The following CYP19A1 variants were observed in gnomAD, a reference collection of about 807,000 sequenced individuals.
The protein encoded by CYP19A1 is cytochrome P450 family 19 subfamily A member 1.
In CYP19A1, 32 loss-of-function variants were observed where a neutral mutation model predicts 44.4. The observed-to-expected ratio is 0.72, with a 90% CI of 0.54 to 0.97. The LOEUF (loss-of-function observed/expected upper bound fraction) is 0.97. Among genes scored for constraint, CYP19A1 ranks in the 50% least tolerant of loss-of-function variants. The pLI is 0.00. For missense variants in CYP19A1, 598 were observed against 637.8 expected, an observed-to-expected ratio of 0.94 and a Z score of 0.67; for synonymous variants, 212 against 215.6, an observed-to-expected ratio of 0.98 and a Z score of 0.14.
chr15:51,281,755 G>A (rs954694981), intron 1 of CYP19A1, among the ~76,000 whole-genome samples: 7 of 152,076 alleles, frequency 4.6e-5, no homozygotes, highest in African/African-American at 1.7e-4. Flanking sequence ...AGTGGGATGT[G>A]GCTAAGGCTC....
chr15:51,324,710 A>G (rs1322774837), intron 1 of CYP19A1, among the ~76,000 whole-genome samples: 2 of 152,280 alleles, frequency 1.3e-5, no homozygotes, highest in Non-Finnish European at 2.9e-5. Context: ...AAAATTGAGA[A>G]AAAGCAATGG....
At chr15:51,219,726 A>G (rs960432317) in intron 5 of CYP19A1, among the ~76,000 whole-genome samples, 1 of 152,238 alleles carries the variant, frequency 6.6e-6, no homozygotes, top group African/African-American at 2.4e-5. Flanking sequence ...TGCCAGCATC[A>G]TAGTCTGCAT....
chr15:51,211,755 T>C, intron 9 of CYP19A1: 1 of 397,048 alleles, frequency 2.5e-6, no homozygotes, highest in Non-Finnish European at 5.0e-6. Context: ...GCCTAAAATT[T>C]GACATAATGA....
At position 51,212,521 on chromosome 15, in the gene CYP19A1, T is replaced by G; in HGVS notation, c.1062A>C (p.Lys354Asn). 6.5e-7 allele frequency: 1 copy of G among 1,539,884 alleles called. No homozygotes were observed. The highest frequency in any genetic ancestry group is 9.0e-7 in the Non-Finnish European group (1 of 1,112,244). ...TCTCATAAATGAAGTTTTCCATCAC[T>G]TTTAATTTTTGTATATCATCAATCT... is the stretch of plus-strand genomic sequence containing the variant. ...DIKIDDIQKL[K>N]VMENFIYESM... The change falls in exon 9 of 10, where the codon AAA becomes AAC. Residue 354 changes from lysine (K) to asparagine (N), a missense_variant. Physicochemically the swap from Lys to Asn is moderately conservative, Grantham distance 94. Coordinates refer to ENST00000396402, the MANE Select transcript of CYP19A1 (RefSeq NM_000103.4).
At chr15:51,268,314 C>T (rs538679206) in intron 1 of CYP19A1, among the ~76,000 whole-genome samples, 2 of 152,308 alleles carry the variant, frequency 1.3e-5, no homozygotes, top group South Asian at 2.1e-4. Flanking sequence ...TTGATCAGTT[C>T]GTGCTTTCTG....
intron 1 of CYP19A1, among the ~76,000 whole-genome samples, chr15:51,258,096 C>G (rs1313843410): frequency 6.6e-6 from 1 of 152,180 alleles, no homozygotes; most frequent in East Asian, 1.9e-4. Flanking sequence ...AGTGGTAAAA[C>G]AGGACTCAGA....
intron 3 of CYP19A1, among the ~76,000 whole-genome samples, chr15:51,235,833 G>T (rs2033358835): frequency 6.6e-6 from 1 of 152,184 alleles, no homozygotes; most frequent in South Asian, 2.1e-4. Flanking sequence ...AAAACACCCT[G>T]GTCAGCTTTA....
At chr15:51,252,556 G>A (rs1404033626) in intron 1 of CYP19A1, among the ~76,000 whole-genome samples, 1 of 152,194 alleles carries the variant, frequency 6.6e-6, no homozygotes, top group African/African-American at 2.4e-5. Flanking sequence ...AGTGAGAAAC[G>A]TTTAAGGGGA....
chr15:51,283,495 G>T (rs901518784), intron 1 of CYP19A1, among the ~76,000 whole-genome samples: 2 of 152,204 alleles, frequency 1.3e-5, no homozygotes, highest in East Asian at 3.9e-4. Flanking sequence ...CTCTGAATAC[G>T]TTAAGGCTTG....
intron 2 of CYP19A1, among the ~76,000 whole-genome samples, chr15:51,238,006 G>A (rs987947806): frequency 6.6e-6 from 1 of 152,198 alleles, no homozygotes; most frequent in African/African-American, 2.4e-5. Context: ...CAAAAGTTGT[G>A]TAATAATATA....
intron 9 of CYP19A1, chr15:51,211,698 A>T (rs1245743822): frequency 9.1e-6 from 4 of 437,244 alleles, no homozygotes; most frequent in South Asian, 6.6e-5. Context: ...AATTGAAAAA[A>T]GGGCACTTAG....
At chr15:51,298,987 C>T (rs1279701865) in intron 1 of CYP19A1, among the ~76,000 whole-genome samples, 5 of 152,222 alleles carry the variant, frequency 3.3e-5, no homozygotes, top group Non-Finnish European at 7.3e-5. Context: ...TGGGACCAGG[C>T]ACCCCATCTG....
intron 1 of CYP19A1, among the ~76,000 whole-genome samples, chr15:51,282,113 A>T (rs2035539263): frequency 6.6e-6 from 1 of 152,156 alleles, no homozygotes; most frequent in African/African-American, 2.4e-5. Flanking sequence ...TGAGACAGAG[A>T]GGCTGGAGTA....
At chr15:51,307,548 G>T (rs983868834) in intron 1 of CYP19A1, among the ~76,000 whole-genome samples, 2 of 152,182 alleles carry the variant, frequency 1.3e-5, no homozygotes, top group South Asian at 4.1e-4. Flanking sequence ...TGGTGTGAAA[G>T]AGCTGCCCGG....
intron 1 of CYP19A1, among the ~76,000 whole-genome samples, chr15:51,273,355 T>C (rs2035196998): frequency 6.6e-6 from 1 of 152,228 alleles, no homozygotes; most frequent in African/African-American, 2.4e-5. Flanking sequence ...CATGTTTATA[T>C]TCAGCAGGCA....
chr15:51,222,221 G>T (rs749270757), intron 5 of CYP19A1, 128 bp downstream of exon 5: 7 of 1,520,730 alleles, frequency 4.6e-6, no homozygotes, highest in African/African-American at 1.4e-5. Flanking sequence ...AAAACGAGGA[G>T]TACTTAGAAA....
At chr15:51,327,345 C>T (rs2036623256) in intron 1 of CYP19A1, among the ~76,000 whole-genome samples, 1 of 152,146 alleles carries the variant, frequency 6.6e-6, no homozygotes, top group African/African-American at 2.4e-5. Context: ...GGTGAGCTGG[C>T]TGGTAGAAAA....
chr15:51,300,720 A>G (rs2470153), intron 1 of CYP19A1, among the ~76,000 whole-genome samples: 13,320 of 152,226 alleles, frequency 0.088, 659 homozygotes, highest in Non-Finnish European at 0.1. Flanking sequence ...TCCTACAGCA[A>G]ACACGCTTGC....
At chr15:51,317,836 C>A (rs1421064293) in intron 1 of CYP19A1, among the ~76,000 whole-genome samples, 2 of 152,200 alleles carry the variant, frequency 1.3e-5, no homozygotes, top group Admixed American at 6.5e-5. Flanking sequence ...GGTCACCCAG[C>A]CAGGGAGTGG....
Sources: allele counts gnomAD v4.1 joint callset (sites outside exome capture counted in the v4.1 genomes callset), GRCh38; gene constraint gnomAD v4.1.1; transcripts MANE v1.5; gene names NCBI Gene and HGNC (gene_info 2026-07-23, HGNC 2026-07-21).